The following TMEM72 variants were observed in gnomAD, a reference collection of about 807,000 sequenced individuals.
TMEM72 encodes transmembrane protein 72.
TMEM72 carries 9 observed loss-of-function variants against 16.3 expected under a neutral mutation model. The observed-to-expected ratio is 0.55, with a 90% confidence interval of 0.33 to 0.96. TMEM72 has a LOEUF of 0.96. Among genes scored for constraint, TMEM72 ranks in the 40% least tolerant of loss-of-function variants. The probability of loss-of-function intolerance (pLI) is 0.03; values close to 1 mark genes in which losing one functional copy is unlikely to be tolerated. For synonymous variants in TMEM72, 160 were observed against 146.5 expected (o/e 1.09, Z -0.66); for missense variants, 324 against 337.8 (o/e 0.96, Z 0.32).
chr10:44,917,937 G>T (rs1243715247), intron 1 of TMEM72, among the ~76,000 whole-genome samples: 1 of 152,154 alleles, frequency 6.6e-6, no homozygotes, highest in Non-Finnish European at 1.5e-5. Context: ...TGCTGATAAA[G>T]ACATGCCCAA....
At chr10:44,923,518 T>C (rs1282081636) in intron 1 of TMEM72, among the ~76,000 whole-genome samples, 4 of 152,176 alleles carry the variant, frequency 2.6e-5, no homozygotes, top group Non-Finnish European at 4.4e-5. Flanking sequence ...TTAGCCAATT[T>C]TCCTGAGAGA....
At chr10:44,925,278 A>G (rs1352495443) in intron 1 of TMEM72, among the ~76,000 whole-genome samples, 2 of 152,206 alleles carry the variant, frequency 1.3e-5, no homozygotes, top group East Asian at 3.8e-4. Context: ...AAAGAGTGCA[A>G]AACAAAAGGC....
chr10:44,933,570 C>T (rs1354928010), intron 3 of TMEM72, 67 bp from the exon 4 acceptor site: 10 of 1,558,970 alleles, frequency 6.4e-6, no homozygotes, highest in Non-Finnish European at 8.7e-6. Flanking sequence ...GCCCAGACTC[C>T]ATGGCATCCA....
At chr10:44,931,933 G>A in intron 2 of TMEM72, 65 bp from the exon 3 acceptor site, 4 of 1,524,852 alleles carry the variant, frequency 2.6e-6, no homozygotes, top group Non-Finnish European at 3.6e-6. Flanking sequence ...CGTGTGAGAA[G>A]ACAGCCCTCA....
At chr10:44,932,159 G>A (rs1589048748) in intron 3 of TMEM72, 90 bp downstream of exon 3, 1 of 1,450,148 alleles carries the variant, frequency 6.9e-7, no homozygotes, top group East Asian at 2.4e-5. Flanking sequence ...ACCAGGGGAT[G>A]TCCTGCTCCT....
chr10:44,924,543 G>A (rs1840154418), intron 1 of TMEM72, among the ~76,000 whole-genome samples: 1 of 152,214 alleles, frequency 6.6e-6, no homozygotes, highest in South Asian at 2.1e-4. Flanking sequence ...AGGAGGGTGG[G>A]CCTGCCGCTC....
chr10:44,929,091 G>A (rs1217757773), intron 2 of TMEM72, among the ~76,000 whole-genome samples: 5 of 152,222 alleles, frequency 3.3e-5, no homozygotes, highest in Non-Finnish European at 5.9e-5. Context: ...GAGTAAGCAG[G>A]TTAGCCCACA....
intron 1 of TMEM72, chr10:44,920,312 GA>G (rs1840075631): frequency 6.6e-6 from 1 of 152,326 alleles, no homozygotes; most frequent in South Asian, 2.1e-4. Context: ...CATGGAGTCA[GA>G]ACGGATAAGC....
chr10:44,911,683 C>A, intron 1 of TMEM72, 101 bp downstream of exon 1: 1 of 1,345,600 alleles, frequency 7.4e-7, no homozygotes, highest in Non-Finnish European at 1.0e-6. Context: ...GCACATCTGG[C>A]CACTTCTGTG....
chr10:44,926,186 TACACACACACATACACTCACACATAC>T (rs1840189398), intron 1 of TMEM72, among the ~76,000 whole-genome samples: 1 of 151,050 alleles, frequency 6.6e-6, no homozygotes, highest in Non-Finnish European at 1.5e-5. Flanking sequence ...CTCACACATG[TACACACACACATACACTCACACATAC>T]ATGCACTCAC....
Position 44,934,726 on chromosome 10 carries a change from C to T in TMEM72, c.420C>T (p.Pro140=), listed in dbSNP as rs762072858. ...LSKRKKRKAA[P]EVLASPEQYT... ...AGCGGAAGAAGAGGAAAGCTGCCCC[C>T]GAGGTGCTGGCCTCCCCAGAGCAGT... Residue 140 remains proline, a synonymous_variant, in exon 5 of 5, where the codon CCC becomes CCT. Transcript: ENST00000389583. 1.1e-5 allele frequency: 18 copies of T among 1,611,736 alleles called. No homozygotes were observed. The highest frequency in any genetic ancestry group is 1.6e-4 in the Middle Eastern group (1 of 6,070).
At chr10:44,912,010 A>G (rs572418809) in intron 1 of TMEM72, among the ~76,000 whole-genome samples, 54 of 152,322 alleles carry the variant, frequency 3.5e-4, no homozygotes, top group African/African-American at 1.3e-3. Context: ...GCCCTACCTC[A>G]TGGAGAGAGA....
At chr10:44,919,284 A>G (rs1294740844) in intron 1 of TMEM72, among the ~76,000 whole-genome samples, 4 of 152,212 alleles carry the variant, frequency 2.6e-5, no homozygotes, top group Non-Finnish European at 4.4e-5. Context: ...TCAGCATTGT[A>G]CTGGAGGTTC....
At chr10:44,921,680 C>T (rs1018717349) in intron 1 of TMEM72, among the ~76,000 whole-genome samples, 1 of 152,198 alleles carries the variant, frequency 6.6e-6, no homozygotes, top group Admixed American at 6.5e-5. Context: ...GGACTAGCAC[C>T]CTGTGAAGGC....
intron 1 of TMEM72, among the ~76,000 whole-genome samples, chr10:44,922,496 G>C (rs538460487): frequency 6.6e-6 from 1 of 152,268 alleles, no homozygotes; most frequent in East Asian, 1.9e-4. Context: ...AAAATATTTT[G>C]TTCCCAGTAC....
At chr10:44,927,549 G>A (rs567407758) in intron 1 of TMEM72, among the ~76,000 whole-genome samples, 16 of 152,338 alleles carry the variant, frequency 1.1e-4, no homozygotes, top group East Asian at 7.7e-4. Context: ...ACCCATCCAC[G>A]GCCAAGCACT....
At chr10:44,929,219 T>G (rs2132725717) in intron 2 of TMEM72, among the ~76,000 whole-genome samples, 1 of 152,252 alleles carries the variant, frequency 6.6e-6, no homozygotes, top group South Asian at 2.1e-4. Flanking sequence ...GGCAGGAAGG[T>G]GATCCCTGTG....
intron 1 of TMEM72, among the ~76,000 whole-genome samples, chr10:44,916,226 T>C (rs767139773): frequency 1.3e-5 from 2 of 152,174 alleles, no homozygotes; most frequent in Non-Finnish European, 2.9e-5. Flanking sequence ...GAGTGAACTC[T>C]GCTTGTCAGG....
intron 2 of TMEM72, among the ~76,000 whole-genome samples, chr10:44,928,608 A>G (rs1840239816): frequency 7.9e-6 from 1 of 126,606 alleles, no homozygotes; most frequent in Non-Finnish European, 1.7e-5. Flanking sequence ...CTGCTTATCC[A>G]TCCATCTATG....
Sources: gnomAD v4.1 joint callset for allele counts (sites outside exome capture counted in the v4.1 genomes callset) on GRCh38, gnomAD v4.1.1 for gene constraint, MANE v1.5 for transcripts, NCBI Gene and HGNC (gene_info 2026-07-23, HGNC 2026-07-21) for gene names.